The following GALNT10 variants were observed in gnomAD, a reference collection of about 807,000 sequenced individuals.
GALNT10 encodes the protein polypeptide N-acetylgalactosaminyltransferase 10, also known as GalNAc transferase 10.
In GALNT10, 41 loss-of-function variants were observed where a neutral mutation model predicts 75.0. The ratio of observed to expected loss-of-function variants is 0.55; its 90% CI spans 0.43 to 0.71. GALNT10 has a LOEUF of 0.71. Among genes scored for constraint, GALNT10 ranks in the 30% least tolerant of loss-of-function variants. The probability of loss-of-function intolerance (pLI) is 0.00; values close to 1 mark genes in which losing one functional copy is unlikely to be tolerated. For synonymous variants in GALNT10, 302 were observed against 313.0 expected, an observed-to-expected ratio of 0.96 and a Z score of 0.37; for missense variants, 727 against 818.5, an observed-to-expected ratio of 0.89 and a Z score of 1.36.
chr5:154,396,971 A>G (rs982985390), intron 7 of GALNT10, among the ~76,000 whole-genome samples: 1 of 152,082 alleles, frequency 6.6e-6, no homozygotes, highest in Non-Finnish European at 1.5e-5. Context: ...TACTAAAAAT[A>G]CAAAAATCAG....
At chr5:154,406,745 C>T (rs1025497257) in intron 8 of GALNT10, among the ~76,000 whole-genome samples, 1 of 152,096 alleles carries the variant, frequency 6.6e-6, no homozygotes, top group Non-Finnish European at 1.5e-5. Flanking sequence ...TGCAGTGAGC[C>T]GAGACTGAGC....
intron 1 of GALNT10, among the ~76,000 whole-genome samples, chr5:154,278,800 T>G (rs1219252896): frequency 6.6e-6 from 1 of 152,232 alleles, no homozygotes; most frequent in Admixed American, 6.5e-5. Context: ...ATACAATGTA[T>G]GACCTGCTGT....
intron 1 of GALNT10, among the ~76,000 whole-genome samples, chr5:154,253,002 G>GTTTTTTTTTTTTT (rs373849888): frequency 1.1e-5 from 1 of 89,862 alleles, no homozygotes. Context: ...TTTTTTAGTG[G>GTTTTTTTTTTTTT]TTTTTTTTTT....
At chr5:154,243,239 C>T (rs1455924414) in intron 1 of GALNT10, among the ~76,000 whole-genome samples, 2 of 152,250 alleles carry the variant, frequency 1.3e-5, no homozygotes, top group Non-Finnish European at 2.9e-5. Context: ...GATGGTATCA[C>T]TGTATCCTCC....
At chr5:154,391,750 G>A (rs1755900305) in intron 7 of GALNT10, among the ~76,000 whole-genome samples, 1 of 152,250 alleles carries the variant, frequency 6.6e-6, no homozygotes, top group Non-Finnish European at 1.5e-5. Context: ...GCTGGATGCA[G>A]GGACTCAGTC....
rs114584039 is a variant in GALNT10, at chr5:154,314,549, G to C, written c.402-15023G>C. 1.8e-3 allele frequency among the ~76,000 whole-genome samples: 273 copies of C among 152,126 alleles called. 1 individual carries two copies. The highest frequency in any genetic ancestry group is 6.3e-3 in the African/African-American group (261 of 41,512). On this transcript the variant is annotated intron_variant, in intron 3 of 11. Coordinates refer to ENST00000297107, the MANE Select transcript of GALNT10 (RefSeq NM_198321.4). The stretch of plus-strand genomic sequence containing the variant: ...GATTGGCCTTTCAGGTTAAAGCTCC[G>C]TATGTGGCCTGGGAATGGTAGTTGG...
At chr5:154,396,451 G>A (rs925117309) in intron 7 of GALNT10, among the ~76,000 whole-genome samples, 3 of 152,130 alleles carry the variant, frequency 2.0e-5, no homozygotes, top group Non-Finnish European at 4.4e-5. Flanking sequence ...CAATACAAGT[G>A]CTGTTAGGGA....
intron 1 of GALNT10, among the ~76,000 whole-genome samples, chr5:154,208,748 T>G (rs1231729045): frequency 6.6e-6 from 1 of 152,186 alleles, no homozygotes; most frequent in African/African-American, 2.4e-5. Flanking sequence ...CACAGGAAGT[T>G]TAATATAAAG....
chr5:154,318,673 A>G (rs1342783867), intron 3 of GALNT10, among the ~76,000 whole-genome samples: 2 of 152,172 alleles, frequency 1.3e-5, no homozygotes, highest in South Asian at 2.1e-4. Context: ...GTTTTCTATT[A>G]TTGTCATTGT....
intron 1 of GALNT10, among the ~76,000 whole-genome samples, chr5:154,193,320 C>T (rs1274260179): frequency 6.6e-6 from 1 of 152,234 alleles, no homozygotes; most frequent in Non-Finnish European, 1.5e-5. Flanking sequence ...CAAATTTCCA[C>T]ACAGCCCCTT....
intron 4 of GALNT10, among the ~76,000 whole-genome samples, chr5:154,341,189 CT>C (rs1463075826): frequency 6.6e-6 from 1 of 152,180 alleles, no homozygotes; most frequent in Non-Finnish European, 1.5e-5. Context: ...TGCAGGCTGC[CT>C]TTTCCAGCCT....
intron 4 of GALNT10, among the ~76,000 whole-genome samples, chr5:154,336,358 TGATTGCTG>T (rs1350292575): frequency 3.3e-5 from 5 of 152,236 alleles, no homozygotes; most frequent in African/African-American, 4.8e-5. Flanking sequence ...CCAAGGAGTG[TGATTGCTG>T]GATCATTTGG....
chr5:154,323,299 G>C (rs577606404), intron 3 of GALNT10, among the ~76,000 whole-genome samples: 1 of 152,102 alleles, frequency 6.6e-6, no homozygotes, highest in South Asian at 2.1e-4. Context: ...TTGAATCCAG[G>C]AGTTTGAAAC....
chr5:154,316,412 C>T (rs1754594219), intron 3 of GALNT10, among the ~76,000 whole-genome samples: 1 of 152,200 alleles, frequency 6.6e-6, no homozygotes, highest in Admixed American at 6.5e-5. Flanking sequence ...GAGGCACCTT[C>T]CAACTCCAGT....
chr5:154,287,080 C>T (rs541859805), intron 1 of GALNT10, among the ~76,000 whole-genome samples: 1 of 152,282 alleles, frequency 6.6e-6, no homozygotes, highest in African/African-American at 2.4e-5. Flanking sequence ...TGAATGAAAA[C>T]AAAATCATCT....
In GALNT10 at chr5:154,190,863, C is replaced by A; in HGVS notation, c.-4C>A. On this transcript the variant is annotated 5_prime_UTR_variant, in exon 1 of 12. Transcript: ENST00000297107. ...GCGGGGCGCGGCGGGGCTGACCGGC[C>A]CCGATGAGGCGGAAGGAGAAGCGGC... 3.7e-6 allele frequency: 5 copies of A among 1,353,092 alleles called. No individual in the cohort carries two copies. Among genetic ancestry groups the A allele is most frequent in the Non-Finnish European group, 4.8e-6 (5 of 1,043,080 alleles). The allele number at this position is 1,353,092 out of a possible 1,614,324, so 83.8% of individuals were successfully genotyped here. A position where few individuals can be genotyped will look rare whatever the true frequency, so the allele number is the denominator to read the frequency against.
At chr5:154,316,625 T>A (rs2113102015) in intron 3 of GALNT10, among the ~76,000 whole-genome samples, 1 of 152,364 alleles carries the variant, frequency 6.6e-6, no homozygotes, top group East Asian at 1.9e-4. Flanking sequence ...CCCACAACCC[T>A]GATTAGACTG....
chr5:154,355,325 C>G (rs939603105), intron 4 of GALNT10, among the ~76,000 whole-genome samples: 4 of 152,258 alleles, frequency 2.6e-5, no homozygotes, highest in African/African-American at 9.6e-5. Flanking sequence ...CTGACAGTCC[C>G]ACTAGTCCTA....
intron 1 of GALNT10, among the ~76,000 whole-genome samples, chr5:154,227,115 T>TTA (rs57856846): frequency 0.16 from 23,676 of 152,200 alleles, 1,914 homozygotes; most frequent in Middle Eastern, 0.21. Flanking sequence ...TGTGGGTTGT[T>TTA]TCTAGTTTTG....
Sources: allele counts gnomAD v4.1 joint callset (sites outside exome capture counted in the v4.1 genomes callset), GRCh38; gene constraint gnomAD v4.1.1; transcripts MANE v1.5; gene names NCBI Gene and HGNC (gene_info 2026-07-23, HGNC 2026-07-21).